Variants in GBP4 observed in about 807,000 individuals in gnomAD.
GBP4 encodes the protein guanylate binding protein 4.
A neutral mutation model predicts 62.2 loss-of-function variants in GBP4; 69 were observed. The ratio of observed to expected loss-of-function variants is 1.11; its 90% CI spans 0.91 to 1.36. The LOEUF (loss-of-function observed/expected upper bound fraction) is 1.36. GBP4 is among the 40% of genes most tolerant of loss of function. The probability of loss-of-function intolerance (pLI) is 0.00; values close to 1 mark genes in which losing one functional copy is unlikely to be tolerated. For synonymous variants in GBP4, 278 were observed against 274.6 expected (o/e 1.01, Z -0.12); for missense variants, 697 against 759.3 (o/e 0.92, Z 0.96).
chr1:89,195,429 AG>A lies in GBP4; in HGVS notation c.236-6del. On this transcript the variant is annotated splice_polypyrimidine_tract_variant and splice_region_variant and intron_variant, in intron 2 of 10. Transcript: ENST00000355754. ...CCGTGGAGCCCAGAGGGAAGCCTGC[AG>A]GGAAGAGGAAAAATAACAAACAGTA... 3 of 1,613,486 alleles carry A rather than the reference AG, an allele frequency of 1.9e-6. 1 individual carries two copies. The highest frequency in any genetic ancestry group is 1.1e-5 in the South Asian group (1 of 91,082).
intron 4 of GBP4, 21 bp downstream of exon 4, chr1:89,193,282 C>G: frequency 6.2e-7 from 1 of 1,610,092 alleles, no homozygotes; most frequent in Non-Finnish European, 8.5e-7. Context: ...AAAACCTGCT[C>G]TTCACTTCCC....
chr1:89,196,958 A>G (rs933364058), intron 2 of GBP4, 152 bp downstream of exon 2: 5 of 560,700 alleles, frequency 8.9e-6, no homozygotes, highest in African/African-American at 7.6e-5. Flanking sequence ...AGAGTGATAT[A>G]TATTTGAGAT....
intron 6 of GBP4, 104 bp from the exon 7 acceptor site, chr1:89,190,422 A>T (rs1426985557): frequency 3.0e-6 from 3 of 992,260 alleles, no homozygotes; most frequent in East Asian, 5.2e-5. Flanking sequence ...ATTATCTTGA[A>T]GTTTCTTATC....
rs655260 is a variant in GBP4 at position 89,186,419 on chromosome 1, A to T, written c.1621T>A (p.Tyr541Asn). Residue 541 changes from tyrosine (Y) to asparagine (N), a missense_variant, in exon 10 of 11, where the codon TAC (tyrosine) becomes AAC (asparagine). Transcript: ENST00000355754. ...MEAQERSFQE[Y>N]MAQMEKKLEE... ...AACTTCTTCTCCATTTGGGCCATGT[A>T]TTCCTGGAAGCTTCTCTCTTGAGCC... The T allele has an allele frequency of 0.44, 566,246 of 1,276,362 alleles. 155,491 individuals are homozygous for T. Among genetic ancestry groups the T allele is most frequent in the South Asian group, 0.48 (37,340 of 78,466 alleles). 79.1% of individuals were successfully genotyped at this position (1,276,362 alleles called of 1,614,324 possible).
chr1:89,190,983 A>C (rs1463141431), intron 6 of GBP4, among the ~76,000 whole-genome samples: 3 of 152,120 alleles, frequency 2.0e-5, no homozygotes, highest in African/African-American at 7.2e-5. Context: ...AGAAACACTA[A>C]TCCTATAGGA....
At position 89,191,359 on chromosome 1, in the gene GBP4, TC is replaced by T. The variant is rs1648177642; in HGVS notation, c.817del (p.Glu273LysfsTer24). On this transcript the variant is annotated frameshift_variant, in exon 6 of 11. Coordinates refer to ENST00000355754, the MANE Select transcript of GBP4 (RefSeq NM_052941.5). LOFTEE classifies it high-confidence loss of function. ...GTCTGATTGCATAAGGAAATGCCTT[TC>T]CAGATTTTCTTCTGGCACTTCGTCC... ...HMDEVPEENL[E>X]RHFLMQSDNF... 1.9e-6 allele frequency: 3 copies of T among 1,614,128 alleles called. No individual in the cohort carries two copies. Among genetic ancestry groups the T allele is most frequent in the Non-Finnish European group, 2.5e-6 (3 of 1,180,044 alleles).
At position 89,185,062 on chromosome 1, in the gene GBP4, A is replaced by G. The variant is rs2100672684; in HGVS notation, c.*192T>C. ...TTGTTTCCCATGTTTATAAATTATT[A>G]GTTCAATCAAAATTAAGTTTGTTTT... On this transcript the variant is annotated 3_prime_UTR_variant, in exon 11 of 11. Transcript: ENST00000355754. 1 of 462,034 alleles carries G rather than the reference A, an allele frequency of 2.2e-6. No homozygotes were observed. Among genetic ancestry groups the G allele is most frequent in the East Asian group, 3.5e-5 (1 of 28,906 alleles). The allele number at this position is 462,034 out of a possible 1,614,324, so 28.6% of individuals were successfully genotyped here. A position where few individuals can be genotyped will look rare whatever the true frequency, so the allele number is the denominator to read the frequency against.
rs768688649 is a variant in GBP4 at position 89,187,046 on chromosome 1, G to A, written c.1467C>T (p.Ile489=). The change falls in exon 9 of 11, where the codon ATC becomes ATT. Residue 489 remains isoleucine, a synonymous_variant. Transcript: ENST00000355754. ...LQSQVVVEES[I]LQSDKALTAG... is the part of the protein sequence containing the mutation. Reference sequence around the variant, plus strand: ...CAGTGAGGGCTTTGTCTGACTGCAGGATGGATTCCTCTACAACCACCTGTG... The same window carrying A: ...CAGTGAGGGCTTTGTCTGACTGCAGAATGGATTCCTCTACAACCACCTGTG... 4 of 1,614,158 alleles carry A rather than the reference G, an allele frequency of 2.5e-6. No homozygotes were observed. In the East Asian group the frequency reaches 8.9e-5, roughly 36 times the overall value.
At chr1:89,195,554 G>A (rs923757161) in intron 2 of GBP4, 130 bp from the exon 3 acceptor site, 1 of 1,037,884 alleles carries the variant, frequency 9.6e-7, no homozygotes, top group Non-Finnish European at 1.4e-6. Context: ...ATCTCAGGCA[G>A]GACAACTAAT....
intron 10 of GBP4, among the ~76,000 whole-genome samples, chr1:89,186,024 G>A (rs552345746): frequency 1.2e-4 from 18 of 152,262 alleles, no homozygotes; most frequent in African/African-American, 3.9e-4. Context: ...GCCAAAAATC[G>A]CAAGGATTGG....
chr1:89,190,661 T>C (rs1254383667), intron 6 of GBP4, among the ~76,000 whole-genome samples: 1 of 152,010 alleles, frequency 6.6e-6, no homozygotes, highest in African/African-American at 2.4e-5. Flanking sequence ...TTATATAATT[T>C]GTGAGTCCTA....
Position 89,192,973 on chromosome 1 carries a change from C to G in GBP4, c.601G>C (p.Glu201Gln). 1.2e-6 allele frequency: 2 copies of G among 1,614,146 alleles called. No individual in the cohort carries two copies. Among genetic ancestry groups the G allele is most frequent in the Non-Finnish European group, 8.5e-7 (1 of 1,180,024 alleles). The change falls in exon 5 of 11, where the codon GAG (glutamate) becomes CAG (glutamine). Residue 201 changes from glutamate (E) to glutamine (Q), a missense_variant. By Grantham distance (29) the Glu-to-Gln change is conservative. Coordinates refer to ENST00000355754, the MANE Select transcript of GBP4 (RefSeq NM_052941.5). ...ATGGGGTTTCCATCTAACTTTAGCT[C>G]CAGGGTAAAATCCCGAACAGTCCAA... is the stretch of plus-strand genomic sequence containing the variant. Reference protein sequence around the residue: ...FIWTVRDFTLELKLDGNPITE... With the variant: ...FIWTVRDFTLQLKLDGNPITE...
intron 8 of GBP4, among the ~76,000 whole-genome samples, chr1:89,187,923 A>G (rs1570373165): frequency 1.3e-5 from 2 of 152,224 alleles, no homozygotes; most frequent in African/African-American, 4.8e-5. Context: ...GGAACACAGG[A>G]CAAAAGTTTC....
intron 7 of GBP4, 29 bp from the exon 8 acceptor site, chr1:89,188,823 G>C (rs772273250): frequency 5.6e-6 from 9 of 1,610,912 alleles, no homozygotes; most frequent in Admixed American, 1.7e-5. Flanking sequence ...GAAAACAGTA[G>C]AAAGAAGCTG....
intron 7 of GBP4, 129 bp downstream of exon 7, chr1:89,189,909 A>G (rs1648134914): frequency 1.2e-6 from 1 of 830,406 alleles, no homozygotes; most frequent in Admixed American, 2.8e-5. Context: ...TAGCCCATAG[A>G]GCCCTGTTAT....
chr1:89,185,453 A>T lies in GBP4; in HGVS notation c.1724T>A (p.Leu575His). ...AGATTTCTTTTGAAATTCTTCCTTAAGCATTTCTTCTTGTACCTATAAAAG... is the reference window on the plus strand; with the variant it reads ...AGATTTCTTTTGAAATTCTTCCTTATGCATTTCTTCTTGTACCTATAAAAG... The part of the protein sequence containing the change: ...KHKLKVQEEM[L>H]KEEFQKKSEQ... Residue 575 changes from leucine (L) to histidine (H), a missense_variant, in exon 11 of 11, where the codon CTT (leucine) becomes CAT (histidine). Transcript: ENST00000355754. The T allele has an allele frequency of 6.5e-7, 1 of 1,547,236 alleles. No homozygotes were observed. Among genetic ancestry groups the T allele is most frequent in the Non-Finnish European group, 8.9e-7 (1 of 1,120,500 alleles).
chr1:89,185,405 T>C lies in GBP4; in HGVS notation c.1772A>G (p.Asn591Ser). Residue 591 changes from asparagine to serine, a missense_variant, in exon 11 of 11, where the codon AAT becomes AGT. Asn to Ser is a conservative substitution (Grantham distance 46). Transcript: ENST00000355754. ...GCTTTCAATTTTTTCTTTCAGTTGATTAATCTCTTTATTTAACTGCTCAGA... is the reference window on the plus strand; with the variant it reads ...GCTTTCAATTTTTTCTTTCAGTTGACTAATCTCTTTATTTAACTGCTCAGA... ...KKSEQLNKEINQLKEKIESTK... is the reference protein window; with the variant it reads ...KKSEQLNKEISQLKEKIESTK... The C allele has an allele frequency of 6.3e-7, 1 of 1,583,570 alleles. No homozygotes were observed. Among genetic ancestry groups the C allele is most frequent in the African/African-American group, 1.3e-5 (1 of 74,450 alleles).
chr1:89,185,197 G>A lies in GBP4; in HGVS notation c.*57C>T. The A allele has an allele frequency of 9.6e-7, 1 of 1,040,428 alleles. No homozygotes were observed. The highest frequency in any genetic ancestry group is 1.5e-6 in the Non-Finnish European group (1 of 672,134). The allele number at this position is 1,040,428 out of a possible 1,614,324, so 64.4% of individuals were successfully genotyped here. A position where few individuals can be genotyped will look rare whatever the true frequency, so the allele number is the denominator to read the frequency against. ...CTTACAAAATGAGCAACAGTGTTATGTTATTAAAATAAAATAAACCTCATT... is the reference window on the plus strand; with the variant it reads ...CTTACAAAATGAGCAACAGTGTTATATTATTAAAATAAAATAAACCTCATT... On this transcript the variant is annotated 3_prime_UTR_variant, in exon 11 of 11. Coordinates refer to ENST00000355754, the MANE Select transcript of GBP4 (RefSeq NM_052941.5).
intron 9 of GBP4, 141 bp downstream of exon 9, chr1:89,186,859 T>G: frequency 1.4e-6 from 1 of 730,704 alleles, no homozygotes; most frequent in Non-Finnish European, 2.3e-6. Context: ...GTACATTTGG[T>G]ATCCAGAACT....
Sources: allele counts gnomAD v4.1 joint callset (sites outside exome capture counted in the v4.1 genomes callset), GRCh38; gene constraint gnomAD v4.1.1; transcripts MANE v1.5; gene names NCBI Gene and HGNC (gene_info 2026-07-23, HGNC 2026-07-21).